The following NAV3 variants were observed in gnomAD, a reference collection of about 807,000 sequenced individuals.
NAV3 encodes pore membrane and/or filament interacting like protein 1.
A neutral mutation model predicts 244.7 loss-of-function variants in NAV3; 87 were observed. The observed-to-expected ratio is 0.36, with a 90% CI of 0.30 to 0.42. The LOEUF (loss-of-function observed/expected upper bound fraction) is 0.42. NAV3 is among the 20% of genes least tolerant of loss of function. The pLI is 1.00. For synonymous variants in NAV3, 1,126 were observed against 1,042.2 expected, an observed-to-expected ratio of 1.08 and a Z score of -1.55; for missense variants, 2,663 against 2,893.3, an observed-to-expected ratio of 0.92 and a Z score of 1.83.
intron 1 of NAV3, among the ~76,000 whole-genome samples, chr12:77,837,239 C>G (rs150424899): frequency 0.02 from 2,966 of 149,498 alleles, 87 homozygotes; most frequent in African/African-American, 0.067. Context: ...AAAGTTTAAA[C>G]TTTAAACTTT....
Position 78,179,666 on chromosome 12 carries a change from C to T in NAV3, c.5501C>T (p.Ala1834Val). 1 of 1,611,616 alleles carries T rather than the reference C, an allele frequency of 6.2e-7. No individual in the cohort carries two copies. Among genetic ancestry groups the T allele is most frequent in the Non-Finnish European group, 8.5e-7 (1 of 1,178,718 alleles). ...SAHHLDQIRE[A>V]MNRMQNEIEI... ...CATCATCTTGATCAGATCCGGGAAGCCATGAACCGGATGCAGGTTGGTACT... is the reference window on the plus strand; with the variant it reads ...CATCATCTTGATCAGATCCGGGAAGTCATGAACCGGATGCAGGTTGGTACT... The change falls in exon 29 of 40, where the codon GCC becomes GTC. Residue 1834 changes from alanine (A) to valine (V), a missense_variant. Physicochemically the swap from Ala to Val is moderately conservative, Grantham distance 64. Transcript: ENST00000397909.
At chr12:77,750,634 G>A (rs12146868) in intron 2 of NAV3, among the ~76,000 whole-genome samples, 67,797 of 151,558 alleles carry the variant, frequency 0.45, 15,397 homozygotes, top group Middle Eastern at 0.51. Context: ...TGTCTTGTTT[G>A]GCTTTCTGGG....
At chr12:77,597,251 G>A (rs150457359) in intron 2 of NAV3, among the ~76,000 whole-genome samples, 4 of 152,168 alleles carry the variant, frequency 2.6e-5, no homozygotes, top group Admixed American at 6.5e-5. Context: ...ACAAGATACC[G>A]TATGTTGTTG....
intron 11 of NAV3, among the ~76,000 whole-genome samples, chr12:78,055,569 T>C (rs1177265910): frequency 6.6e-6 from 1 of 152,214 alleles, no homozygotes; most frequent in Non-Finnish European, 1.5e-5. Flanking sequence ...ACCTGGGGAA[T>C]GCACTCCATG....
At chr12:77,721,323 A>T (rs1043322074) in intron 2 of NAV3, among the ~76,000 whole-genome samples, 2 of 152,140 alleles carry the variant, frequency 1.3e-5, no homozygotes, top group African/African-American at 4.8e-5. Context: ...CCTAATTCGT[A>T]CAGCTGGTTC....
At chr12:77,947,108 T>TA (rs1380973291) in intron 3 of NAV3, among the ~76,000 whole-genome samples, 2 of 152,110 alleles carry the variant, frequency 1.3e-5, no homozygotes, top group African/African-American at 2.4e-5. Context: ...CTGATATGAA[T>TA]ATTTTTGGCT....
chr12:78,159,379 C>G, intron 23 of NAV3, 93 bp downstream of exon 23: 7 of 1,161,684 alleles, frequency 6.0e-6, no homozygotes, highest in Non-Finnish European at 8.8e-6. Flanking sequence ...AAATAATATT[C>G]CAGGCTGAGT....
At position 77,646,508 on chromosome 12, in the gene NAV3, G is replaced by A. The variant is rs546636478; in HGVS notation, c.72+74242G>A. Among the ~76,000 whole-genome samples the A allele has an allele frequency of 2.6e-5, 4 of 152,212 alleles. No homozygotes were observed. In the East Asian group the frequency reaches 5.8e-4, roughly 22 times the overall value. On this transcript the variant is annotated intron_variant, in intron 2 of 8. Coordinates refer to the NAV3 transcript ENST00000550042. ...TTAAACCCAAATCTCCTGCAGGTAG[G>A]CAGAGACAGACACCTCTGTTCTATA... is the stretch of plus-strand genomic sequence containing the variant.
At chr12:78,086,261 T>A (rs1953632969) in intron 12 of NAV3, among the ~76,000 whole-genome samples, 1 of 152,094 alleles carries the variant, frequency 6.6e-6, no homozygotes, top group South Asian at 2.1e-4. Context: ...TTGTTTACAT[T>A]TGTTTTAATA....
intron 12 of NAV3, among the ~76,000 whole-genome samples, chr12:78,073,176 G>T (rs1459473775): frequency 4.4e-5 from 6 of 135,732 alleles, no homozygotes; most frequent in Admixed American, 3.1e-4. Flanking sequence ...AGTGTTGGAA[G>T]TTCTGGCCAG....
chr12:78,015,401 T>C (rs1876020677), intron 8 of NAV3, among the ~76,000 whole-genome samples: 1 of 152,114 alleles, frequency 6.6e-6, no homozygotes, highest in African/African-American at 2.4e-5. Flanking sequence ...CTGACTTTCA[T>C]GATATTGATA....
intron 38 of NAV3, among the ~76,000 whole-genome samples, chr12:78,203,620 C>T (rs546671186): frequency 6.6e-6 from 1 of 152,126 alleles, no homozygotes; most frequent in Non-Finnish European, 1.5e-5. Flanking sequence ...CCACCATTTT[C>T]CCTTTTGTCT....
chr12:77,760,676 CT>C (rs2135835626), intron 2 of NAV3, among the ~76,000 whole-genome samples: 1 of 152,212 alleles, frequency 6.6e-6, no homozygotes, highest in South Asian at 2.1e-4. Flanking sequence ...TCGTATGTGA[CT>C]TTTTTCAGTG....
chr12:78,074,010 A>T, intron 12 of NAV3, among the ~76,000 whole-genome samples: 1 of 152,254 alleles, frequency 6.6e-6, no homozygotes, highest in East Asian at 1.9e-4. Flanking sequence ...ATTATTGAAA[A>T]AATGTCTTAA....
In NAV3 at chr12:77,850,344, T is replaced by TA. The variant is rs145970935; in HGVS notation, c.243+18641dup. Among the ~76,000 whole-genome samples the TA allele has an allele frequency of 8.7e-4, 132 of 152,322 alleles. 4 individuals are homozygous for TA. The East Asian group carries it at 0.023, about 26-fold the overall frequency. On this transcript the variant is annotated intron_variant, in intron 1 of 39. Transcript: ENST00000397909. ...TTTCCTTGTCAAGGGTGATGTATGA[T>TA]ATGGATCTTCCTCTAAGTAATCATA...
At chr12:78,073,988 C>T (rs1035249773) in intron 12 of NAV3, among the ~76,000 whole-genome samples, 3 of 152,124 alleles carry the variant, frequency 2.0e-5, no homozygotes, top group Admixed American at 1.3e-4. Context: ...GCTTCTGAAA[C>T]TGTACAAATA....
At position 77,993,413 on chromosome 12, in the gene NAV3, G is replaced by C. The variant is rs1417273342; in HGVS notation, c.672-1390G>C. 2.0e-5 allele frequency among the ~76,000 whole-genome samples: 3 copies of C among 152,186 alleles called. No homozygotes were observed. In the East Asian group the frequency reaches 5.8e-4, roughly 29 times the overall value. On this transcript the variant is annotated intron_variant, in intron 5 of 39. Transcript: ENST00000397909. Reference sequence around the variant, plus strand: ...TATTTCACTGAATTGAGACAGTTTGGTTTTTATTTCTGAATTACTTTCTGA... The same window carrying C: ...TATTTCACTGAATTGAGACAGTTTGCTTTTTATTTCTGAATTACTTTCTGA...
chr12:78,182,363 C>T (rs1399089302), intron 30 of NAV3, among the ~76,000 whole-genome samples: 1 of 152,016 alleles, frequency 6.6e-6, no homozygotes, highest in Non-Finnish European at 1.5e-5. Flanking sequence ...AGATCTACAT[C>T]TCATAATGAC....
intron 2 of NAV3, among the ~76,000 whole-genome samples, chr12:77,622,479 A>G (rs1046180331): frequency 1.4e-5 from 2 of 147,488 alleles, no homozygotes; most frequent in Admixed American, 6.8e-5. Context: ...CTGGTTTTCT[A>G]CACCACCACA....
Sources: allele counts gnomAD v4.1 joint callset (sites outside exome capture counted in the v4.1 genomes callset), GRCh38; gene constraint gnomAD v4.1.1; transcripts MANE v1.5; gene names NCBI Gene and HGNC (gene_info 2026-07-23, HGNC 2026-07-21).